PUDP: variants seen among roughly 807,000 people sequenced by gnomAD.
PUDP encodes pseudouridine-5'-phosphatase.
A neutral mutation model predicts 9.4 loss-of-function variants in PUDP; 8 were observed. The observed-to-expected ratio is 0.85, with a 90% CI of 0.50 to 1.53. The LOEUF is 1.53. Among genes scored for constraint, PUDP ranks in the 40% most tolerant of loss-of-function variants. The pLI is 0.00. For missense variants in PUDP, 188 were observed against 189.7 expected, an observed-to-expected ratio of 0.99 and a Z score of 0.05; for synonymous variants, 99 against 80.7, an observed-to-expected ratio of 1.23 and a Z score of -1.22.
In PUDP at chrX:6,847,537, A is replaced by G. The variant is rs185317502; in HGVS notation, c.*247+129596T>C. Among the ~76,000 whole-genome samples, 191 of 112,290 alleles carry G rather than the reference A, an allele frequency of 1.7e-3. 1 individual carries two copies. Among genetic ancestry groups the G allele is most frequent in the African/African-American group, 6.0e-3 (185 of 30,962 alleles). On this transcript the variant is annotated intron_variant and NMD_transcript_variant, in intron 3 of 3. Coordinates refer to the PUDP transcript ENST00000655425. ...CTTTTAAGTGACACAAAAAGATCCC[A>G]ACCTTCATATATTATCAACCTTAAA...
chrX:6,883,933 C>T (rs1419892802), intron 3 of PUDP, among the ~76,000 whole-genome samples: 1 of 111,571 alleles, frequency 9.0e-6, no homozygotes, highest in African/African-American at 3.3e-5. Flanking sequence ...CTCCGTCTCC[C>T]GGGTTCACAC....
intron 3 of PUDP, among the ~76,000 whole-genome samples, chrX:6,733,120 ACG>A (rs1270550542): frequency 8.9e-6 from 1 of 112,261 alleles, no homozygotes; most frequent in Admixed American, 9.4e-5. Context: ...TCATCCACTT[ACG>A]CTTGAAGCCT....
At chrX:6,768,578 T>A (rs1925314830) in intron 3 of PUDP, among the ~76,000 whole-genome samples, 1 of 111,684 alleles carries the variant, frequency 9.0e-6, no homozygotes, top group Admixed American at 9.6e-5. Context: ...TCTATAGAAT[T>A]CTTTTAGATA....
intron 3 of PUDP, among the ~76,000 whole-genome samples, chrX:6,751,150 GAAAGAAAGAAA>G (rs1201050327): frequency 1.9e-5 from 2 of 104,816 alleles, no homozygotes; most frequent in African/African-American, 3.5e-5. Flanking sequence ...TAAAAAAAAG[GAAAGAAAGAAA>G]AAAGAAAGAA....
chrX:6,946,830 A>G (rs1928471394), intron 3 of PUDP, among the ~76,000 whole-genome samples: 1 of 112,069 alleles, frequency 8.9e-6, no homozygotes, highest in African/African-American at 3.2e-5. Context: ...TGAAACATGA[A>G]TCATTCCAGT....
At chrX:6,954,824 T>C (rs1052669091) in intron 3 of PUDP, among the ~76,000 whole-genome samples, 6 of 112,122 alleles carry the variant, frequency 5.4e-5, no homozygotes, top group Non-Finnish European at 1.1e-4. Context: ...ACAGTATGCA[T>C]GGAGTATGTC....
At chrX:7,021,162 G>A (rs1233256518) in intron 1 of PUDP, among the ~76,000 whole-genome samples, 2 of 112,195 alleles carry the variant, frequency 1.8e-5, no homozygotes, top group African/African-American at 6.5e-5. Context: ...AGCTGCAAAT[G>A]GTATTCCTGC....
At chrX:6,827,360 C>T (rs146216566) in intron 3 of PUDP, among the ~76,000 whole-genome samples, 2,254 of 111,649 alleles carry the variant, frequency 0.02, 55 homozygotes, top group African/African-American at 0.07. Flanking sequence ...GGAGCGGGCC[C>T]GAGCATAGGG....
At chrX:6,868,958 T>C (rs1197394205) in intron 3 of PUDP, among the ~76,000 whole-genome samples, 3 of 112,059 alleles carry the variant, frequency 2.7e-5, no homozygotes, top group African/African-American at 9.7e-5. Context: ...AAAGTATTAA[T>C]TCCAAACCCA....
chrX:7,025,298 T>C (rs1262396296), intron 1 of PUDP, among the ~76,000 whole-genome samples: 2 of 112,134 alleles, frequency 1.8e-5, no homozygotes, highest in Admixed American at 1.9e-4. Context: ...CTGTCTGCTA[T>C]ATAGATTAAC....
chrX:6,807,491 T>C (rs1926070282), intron 3 of PUDP, among the ~76,000 whole-genome samples: 1 of 112,694 alleles, frequency 8.9e-6, no homozygotes, highest in Admixed American at 9.4e-5. Context: ...AGAGTTTCTC[T>C]ACTTCCATTT....
At chrX:7,110,831 G>T (rs1602796563) in intron 1 of PUDP, among the ~76,000 whole-genome samples, 2 of 111,334 alleles carry the variant, frequency 1.8e-5, no homozygotes, top group Non-Finnish European at 3.8e-5. Context: ...GTGTCACAAG[G>T]TCAATCAGTT....
At chrX:6,946,428 AC>A (rs1928465870) in intron 3 of PUDP, among the ~76,000 whole-genome samples, 2 of 112,141 alleles carry the variant, frequency 1.8e-5, no homozygotes, top group African/African-American at 6.5e-5. Context: ...GCCACAGGCT[AC>A]ATTTCCCAGT....
chrX:7,106,650 G>A (rs1438274290), intron 1 of PUDP, among the ~76,000 whole-genome samples: 1 of 111,323 alleles, frequency 9.0e-6, no homozygotes, highest in Non-Finnish European at 1.9e-5. Flanking sequence ...GAATACTACT[G>A]AGGATGCTAC....
intron 3 of PUDP, among the ~76,000 whole-genome samples, chrX:6,834,866 C>A: frequency 9.0e-6 from 1 of 110,741 alleles, no homozygotes; most frequent in Non-Finnish European, 1.9e-5. Context: ...CATTAATCCA[C>A]TCATGAGGGT....
At chrX:7,024,249 A>AT (rs1320921262) in intron 1 of PUDP, among the ~76,000 whole-genome samples, 8 of 111,766 alleles carry the variant, frequency 7.2e-5, no homozygotes, top group African/African-American at 2.6e-4. Context: ...GAGAGTTGGC[A>AT]TTTCTATTTT....
chrX:6,795,654 C>T (rs771523889), intron 3 of PUDP, among the ~76,000 whole-genome samples: 5 of 111,511 alleles, frequency 4.5e-5, no homozygotes, highest in Admixed American at 9.5e-5. Context: ...GCTTAAAGGA[C>T]GACACCATTT....
At chrX:6,940,041 A>C (rs1381144825) in intron 3 of PUDP, among the ~76,000 whole-genome samples, 4 of 112,735 alleles carry the variant, frequency 3.5e-5, no homozygotes, top group African/African-American at 9.7e-5. Flanking sequence ...GAAATCAAGA[A>C]GTGAAAGACA....
intron 3 of PUDP, among the ~76,000 whole-genome samples, chrX:6,868,725 T>C (rs1370522228): frequency 8.9e-6 from 1 of 112,008 alleles, no homozygotes; most frequent in African/African-American, 3.2e-5. Flanking sequence ...CTCTGCAAAA[T>C]TTTATGTCAT....
Sources: gnomAD v4.1 joint callset for allele counts (sites outside exome capture counted in the v4.1 genomes callset) on GRCh38, gnomAD v4.1.1 for gene constraint, MANE v1.5 for transcripts, NCBI Gene and HGNC (gene_info 2026-07-23, HGNC 2026-07-21) for gene names.